Variants in PPP2R3A observed in about 807,000 individuals in gnomAD.
The protein encoded by PPP2R3A is protein phosphatase 2 regulatory subunit B''alpha.
A neutral mutation model predicts 106.9 loss-of-function variants in PPP2R3A; 80 were observed. That is an observed-to-expected ratio of 0.75 (90% confidence interval 0.62 to 0.90). The LOEUF (loss-of-function observed/expected upper bound fraction) is 0.90, where lower values mean the gene tolerates loss of function less well. Among genes scored for constraint, PPP2R3A ranks in the 40% least tolerant of loss-of-function variants. The pLI, the probability that PPP2R3A is intolerant of heterozygous loss-of-function variation, is 0.00. For missense variants in PPP2R3A, 1,386 were observed against 1,350.4 expected, an observed-to-expected ratio of 1.03 and a Z score of -0.41; for synonymous variants, 483 against 468.3, an observed-to-expected ratio of 1.03 and a Z score of -0.41.
intron 13 of PPP2R3A, among the ~76,000 whole-genome samples, chr3:136,116,976 A>G (rs994816206): frequency 6.6e-6 from 1 of 152,226 alleles, no homozygotes; most frequent in Non-Finnish European, 1.5e-5. Flanking sequence ...ACAATTGACC[A>G]CATAATTGGA....
In PPP2R3A at chr3:136,003,351, A is replaced by G; in HGVS notation, c.1853A>G (p.Glu618Gly). Residue 618 changes from glutamate to glycine, a missense_variant, in exon 2 of 14, where the codon GAA (glutamate) becomes GGA (glycine). Coordinates refer to ENST00000264977, the MANE Select transcript of PPP2R3A (RefSeq NM_002718.5). The stretch of plus-strand genomic sequence containing the variant: ...TCAAGCAGAGGGAGCCTATCACAAG[A>G]AAAGGAAATGATGCAAATTCTACAG... ...CKSSRGSLSQ[E>G]KEMMQILQET... 1.9e-6 allele frequency: 3 copies of G among 1,613,992 alleles called. No homozygotes were observed. Among genetic ancestry groups the G allele is most frequent in the East Asian group, 2.2e-5 (1 of 44,860 alleles).
intron 13 of PPP2R3A, among the ~76,000 whole-genome samples, chr3:136,129,694 G>A (rs1365879444): frequency 6.6e-6 from 1 of 152,104 alleles, no homozygotes; most frequent in Non-Finnish European, 1.5e-5. Context: ...TGATGCCAAA[G>A]CCTACCAGAG....
intron 5 of PPP2R3A, among the ~76,000 whole-genome samples, 159 bp downstream of exon 5, chr3:136,049,520 G>C (rs545693743): frequency 1.4e-5 from 2 of 142,668 alleles, no homozygotes; most frequent in Non-Finnish European, 2.9e-5. Flanking sequence ...AGATCCTCTC[G>C]TTAAATGAAA....
chr3:135,982,227 A>G (rs1937547908), intron 1 of PPP2R3A, among the ~76,000 whole-genome samples: 1 of 149,226 alleles, frequency 6.7e-6, no homozygotes, highest in Non-Finnish European at 1.5e-5. Flanking sequence ...ACAAGTTCAT[A>G]GCAAGACATC....
At position 136,001,736 on chromosome 3, in the gene PPP2R3A, T is replaced by C. The variant is rs1184750946; in HGVS notation, c.238T>C (p.Ser80Pro). The C allele has an allele frequency of 2.5e-6, 4 of 1,614,156 alleles. No homozygotes were observed. Among genetic ancestry groups the C allele is most frequent in the African/African-American group, 2.7e-5 (2 of 75,056 alleles). The change falls in exon 2 of 14, where the codon TCT becomes CCT. Residue 80 changes from serine to proline, a missense_variant. Coordinates refer to ENST00000264977, the MANE Select transcript of PPP2R3A (RefSeq NM_002718.5). ...GTTTCTACCCCATGAAAATGGGCTT[T>C]CTTCGGCTGAAGGAGACTATCCCCA... ...SMFLPHENGL[S>P]SAEGDYPQQA...
rs141556100 is a variant in PPP2R3A, at chr3:136,078,423, G to A, written c.2601G>A (p.Ser867=). ...GATCTTGGAGTGGAAAAATTACTTC[G>A]ACAGAGATAAGAAAAAGCAACTTTT... ...VNRSWSGKIT[S]TEIRKSNFLQ... is the part of the protein sequence containing the mutation. The change falls in exon 7 of 14, where the codon TCG becomes TCA. Residue 867 remains serine (S), a synonymous_variant. Coordinates refer to ENST00000264977, the MANE Select transcript of PPP2R3A (RefSeq NM_002718.5). 3.1e-5 allele frequency: 50 copies of A among 1,610,146 alleles called. No homozygotes were observed. Among genetic ancestry groups the A allele is most frequent in the South Asian group, 1.7e-4 (15 of 90,654 alleles).
At chr3:136,086,581 A>C (rs1399450790) in intron 8 of PPP2R3A, among the ~76,000 whole-genome samples, 1 of 152,158 alleles carries the variant, frequency 6.6e-6, no homozygotes, top group African/African-American at 2.4e-5. Context: ...CCCAAGCTAA[A>C]AAATGCCTTT....
intron 13 of PPP2R3A, among the ~76,000 whole-genome samples, chr3:136,121,684 AAAGAG>A (rs1348784952): frequency 4.6e-5 from 7 of 152,240 alleles, no homozygotes; most frequent in Admixed American, 4.6e-4. Flanking sequence ...ATATTCTCGG[AAAGAG>A]AAGAGATTAT....
chr3:136,089,964 C>A (rs750049181), intron 9 of PPP2R3A, among the ~76,000 whole-genome samples: 3 of 151,976 alleles, frequency 2.0e-5, no homozygotes, highest in African/African-American at 7.3e-5. Context: ...TTTTGTATCC[C>A]GAAACTTTAA....
At chr3:136,078,269 A>C (rs886347693) in intron 6 of PPP2R3A, 98 bp from the exon 7 acceptor site, 2 of 803,456 alleles carry the variant, frequency 2.5e-6, no homozygotes, top group Non-Finnish European at 4.2e-6. Context: ...AAAAGCTAAA[A>C]GTTAAATTGG....
chr3:136,026,305 A>T (rs1335013980), intron 2 of PPP2R3A, among the ~76,000 whole-genome samples: 2 of 152,152 alleles, frequency 1.3e-5, no homozygotes, highest in Non-Finnish European at 2.9e-5. Flanking sequence ...CTTAACAAAG[A>T]TTTTCTCAGC....
intron 1 of PPP2R3A, among the ~76,000 whole-genome samples, chr3:135,974,046 TCTTA>T (rs1290411755): frequency 6.6e-6 from 1 of 152,216 alleles, no homozygotes; most frequent in Non-Finnish European, 1.5e-5. Context: ...TCAGTCTTCC[TCTTA>T]CTTGACCTTT....
At chr3:136,045,004 G>T (rs1269633639) in intron 4 of PPP2R3A, among the ~76,000 whole-genome samples, 1 of 152,142 alleles carries the variant, frequency 6.6e-6, no homozygotes, top group African/African-American at 2.4e-5. Flanking sequence ...ACAACCATAG[G>T]CACCTATCCC....
intron 1 of PPP2R3A, among the ~76,000 whole-genome samples, chr3:135,966,291 C>G (rs1292965286): frequency 6.6e-6 from 1 of 152,232 alleles, no homozygotes; most frequent in Non-Finnish European, 1.5e-5. Context: ...TCGTTAGGCG[C>G]TGAGGCTTTC....
chr3:136,023,442 T>C (rs1366259867), intron 2 of PPP2R3A, among the ~76,000 whole-genome samples: 1 of 152,110 alleles, frequency 6.6e-6, no homozygotes, highest in African/African-American at 2.4e-5. Flanking sequence ...TACTCACATT[T>C]TTCTCTTGTA....
rs1939115035 is a variant in PPP2R3A at position 136,146,130 on chromosome 3, TAC to T, written c.*966_*967del. The T allele has an allele frequency of 6.6e-6, 1 of 152,188 alleles. No individual in the cohort carries two copies. The highest frequency in any genetic ancestry group is 1.5e-5 in the Non-Finnish European group (1 of 68,022). The allele number at this position is 152,188 out of a possible 1,614,324, so 9.4% of individuals were successfully genotyped here. A position where few individuals can be genotyped will look rare whatever the true frequency, so the allele number is the denominator to read the frequency against. Reference sequence around the variant, plus strand: ...TTTACTTCATGTTGAAAACAATTACTACAGATATTTCATCCACCTCAGTATTT... The same window carrying T: ...TTTACTTCATGTTGAAAACAATTACTAGATATTTCATCCACCTCAGTATTT... On this transcript the variant is annotated 3_prime_UTR_variant, in exon 14 of 14. Transcript: ENST00000264977.
chr3:136,070,037 T>C (rs1420429629), intron 5 of PPP2R3A, among the ~76,000 whole-genome samples: 2 of 152,204 alleles, frequency 1.3e-5, no homozygotes, highest in Non-Finnish European at 2.9e-5. Context: ...GGCTGCTTTT[T>C]TTTTCCAAAA....
rs1200434795 is a variant in PPP2R3A, at chr3:136,137,530, A to G, written c.3330-7513A>G. 9.9e-5 allele frequency among the ~76,000 whole-genome samples: 5 copies of G among 50,610 alleles called. No individual in the cohort carries two copies. The East Asian group carries it at 4.3e-3, about 43-fold the overall frequency. 33.2% of individuals were successfully genotyped at this position (50,610 alleles called of 152,430 possible). A position where few individuals can be genotyped will look rare whatever the true frequency, so the allele number is the denominator to read the frequency against. On this transcript the variant is annotated intron_variant, in intron 13 of 13. Transcript: ENST00000264977. Reference sequence around the variant, plus strand: ...TTAAAAATATATGAATTACTCTGTCAGAGATTTTTTTTTTTTTTTTTTTTT... The same window carrying G: ...TTAAAAATATATGAATTACTCTGTCGGAGATTTTTTTTTTTTTTTTTTTTT...
At chr3:136,058,215 C>T (rs1239531551) in intron 5 of PPP2R3A, among the ~76,000 whole-genome samples, 1 of 151,988 alleles carries the variant, frequency 6.6e-6, no homozygotes, top group African/African-American at 2.4e-5. Flanking sequence ...TAAAGGGCAT[C>T]AGGAAGTCAC....
Sources: gnomAD v4.1 joint callset for allele counts (sites outside exome capture counted in the v4.1 genomes callset) on GRCh38, gnomAD v4.1.1 for gene constraint, MANE v1.5 for transcripts, NCBI Gene and HGNC (gene_info 2026-07-23, HGNC 2026-07-21) for gene names.